PAPOLA: variants seen among roughly 807,000 people sequenced by gnomAD.
PAPOLA encodes the protein polynucleotide adenylyltransferase alpha.
PAPOLA carries 15 observed loss-of-function variants against 100.6 expected under a neutral mutation model. The observed-to-expected ratio is 0.15, with a 90% confidence interval of 0.10 to 0.23. PAPOLA has a LOEUF of 0.23. PAPOLA is among the 10% of genes least tolerant of loss of function. The probability of loss-of-function intolerance (pLI) is 1.00; values close to 1 mark genes in which losing one functional copy is unlikely to be tolerated. For missense variants in PAPOLA, 533 were observed against 884.2 expected (o/e 0.60, Z 5.04); for synonymous variants, 293 against 300.0 (o/e 0.98, Z 0.24).
intron 21 of PAPOLA, among the ~76,000 whole-genome samples, chr14:96,563,573 A>G (rs1489010489): frequency 6.6e-6 from 1 of 152,174 alleles, no homozygotes; most frequent in Non-Finnish European, 1.5e-5. Flanking sequence ...GTTAATGTCT[A>G]CAAAGTAACT....
chr14:96,520,851 C>G, intron 2 of PAPOLA, 155 bp from the exon 3 acceptor site: 1 of 547,720 alleles, frequency 1.8e-6, no homozygotes, highest in Non-Finnish European at 3.4e-6. Context: ...AGAGAGAAAG[C>G]GAGAGAGAGA....
intron 10 of PAPOLA, chr14:96,534,922 T>C (rs997479256): frequency 9.9e-7 from 1 of 1,005,126 alleles, no homozygotes; most frequent in South Asian, 4.5e-5. Flanking sequence ...CTAAGTATTA[T>C]GCTAAAGTTG....
At chr14:96,534,356 A>G in intron 9 of PAPOLA, 135 bp from the exon 10 acceptor site, 1 of 1,458,662 alleles carries the variant, frequency 6.9e-7, no homozygotes, top group Non-Finnish European at 9.0e-7. Context: ...TGTCGTCAGA[A>G]AGGATTAAAA....
intron 1 of PAPOLA, among the ~76,000 whole-genome samples, chr14:96,508,212 C>CT (rs1351272205): frequency 6.6e-6 from 1 of 152,148 alleles, no homozygotes; most frequent in Non-Finnish European, 1.5e-5. Flanking sequence ...TTTCTGAACA[C>CT]TGCACCTCAG....
chr14:96,535,105 C>T, intron 10 of PAPOLA: 1 of 980,268 alleles, frequency 1.0e-6, no homozygotes, highest in Non-Finnish European at 1.2e-6. Flanking sequence ...TGGGAAGTTA[C>T]AACATTTACC....
chr14:96,559,581 C>CTCTA (rs370979875), intron 19 of PAPOLA, among the ~76,000 whole-genome samples: 2,549 of 120,044 alleles, frequency 0.021, 40 homozygotes, highest in Non-Finnish European at 0.026. Flanking sequence ...CTCTCTCTCT[C>CTCTA]TATATATATA....
intron 1 of PAPOLA, among the ~76,000 whole-genome samples, chr14:96,504,978 A>G (rs1343915728): frequency 1.3e-5 from 2 of 152,212 alleles, no homozygotes; most frequent in African/African-American, 2.4e-5. Flanking sequence ...TTAAATCAAA[A>G]TTATCGAAAT....
intron 14 of PAPOLA, among the ~76,000 whole-genome samples, chr14:96,543,427 TAG>T (rs1351475363): frequency 6.6e-6 from 1 of 152,092 alleles, no homozygotes; most frequent in Non-Finnish European, 1.5e-5. Flanking sequence ...CGTATGAGAC[TAG>T]ACTCTATACT....
At chr14:96,550,790 TC>T in intron 16 of PAPOLA, among the ~76,000 whole-genome samples, 1 of 152,366 alleles carries the variant, frequency 6.6e-6, no homozygotes, top group Admixed American at 6.5e-5. Context: ...AATAGCACTT[TC>T]TTGCTTAATA....
intron 1 of PAPOLA, among the ~76,000 whole-genome samples, chr14:96,516,007 A>G (rs899369922): frequency 3.9e-5 from 6 of 152,202 alleles, no homozygotes; most frequent in African/African-American, 9.6e-5. Context: ...TTGGAGGTTT[A>G]TGTTCCAAAT....
intron 1 of PAPOLA, among the ~76,000 whole-genome samples, chr14:96,518,599 C>T (rs918341877): frequency 5.3e-5 from 8 of 151,842 alleles, no homozygotes; most frequent in African/African-American, 7.2e-5. Context: ...TTAGTAGAGA[C>T]GGGGTTTCAC....
chr14:96,531,347 G>A, intron 6 of PAPOLA, 128 bp from the exon 7 acceptor site: 1 of 664,050 alleles, frequency 1.5e-6, no homozygotes, highest in Non-Finnish European at 2.6e-6. Flanking sequence ...GCCCAGGCTG[G>A]TCTTGCTCAA....
intron 1 of PAPOLA, among the ~76,000 whole-genome samples, chr14:96,517,153 G>A (rs1052363619): frequency 6.6e-6 from 1 of 152,176 alleles, no homozygotes; most frequent in African/African-American, 2.4e-5. Context: ...CTCCTTGCTT[G>A]AACCAGATCT....
intron 1 of PAPOLA, among the ~76,000 whole-genome samples, chr14:96,512,398 A>G (rs1000537163): frequency 6.6e-6 from 1 of 152,204 alleles, no homozygotes; most frequent in Non-Finnish European, 1.5e-5. Context: ...ATATATCTTT[A>G]TCTATATGAC....
intron 16 of PAPOLA, among the ~76,000 whole-genome samples, chr14:96,551,275 T>C (rs541359493): frequency 7.9e-5 from 12 of 152,278 alleles, no homozygotes; most frequent in African/African-American, 2.4e-4. Flanking sequence ...GGTAGGCAGG[T>C]AACTGTAGAA....
At chr14:96,546,379 C>T (rs1566859413) in intron 15 of PAPOLA, among the ~76,000 whole-genome samples, 2 of 152,016 alleles carry the variant, frequency 1.3e-5, no homozygotes, top group African/African-American at 2.4e-5. Context: ...ACCTAGTGTC[C>T]AGATGATATT....
chr14:96,523,504 G>T (rs1050634295), intron 3 of PAPOLA, among the ~76,000 whole-genome samples: 1 of 152,190 alleles, frequency 6.6e-6, no homozygotes, highest in African/African-American at 2.4e-5. Context: ...GTGGACCAGT[G>T]TTTTAAGATA....
At chr14:96,549,881 G>A (rs934552073) in intron 16 of PAPOLA, among the ~76,000 whole-genome samples, 1 of 152,156 alleles carries the variant, frequency 6.6e-6, no homozygotes, top group African/African-American at 2.4e-5. Context: ...ACCCGGGAAT[G>A]GTGGCTCATG....
rs141584996 is a variant in PAPOLA at position 96,531,066 on chromosome 14, G to A, written c.496-409G>A. On this transcript the variant is annotated intron_variant, in intron 6 of 21. Coordinates refer to ENST00000216277, the MANE Select transcript of PAPOLA (RefSeq NM_032632.5). ...CACCCAGGCTGTAGTGCAGTGGTGC[G>A]GTCTCGGCTCACTGCAGTTCTGCCT... 5.7e-4 allele frequency among the ~76,000 whole-genome samples: 87 copies of A among 152,184 alleles called. 1 individual carries two copies. In the East Asian group the frequency reaches 0.014, roughly 24 times the overall value.
Sources: allele counts gnomAD v4.1 joint callset (sites outside exome capture counted in the v4.1 genomes callset), GRCh38; gene constraint gnomAD v4.1.1; transcripts MANE v1.5; gene names NCBI Gene and HGNC (gene_info 2026-07-23, HGNC 2026-07-21).